Variants in RBM6 observed in about 807,000 individuals in gnomAD.
RBM6 encodes RNA-binding protein 6.
RBM6 carries 23 observed loss-of-function variants against 140.4 expected under a neutral mutation model. The ratio of observed to expected loss-of-function variants is 0.16; its 90% CI spans 0.12 to 0.23. The LOEUF is 0.23. RBM6 is among the 10% of genes least tolerant of loss of function. The pLI is 1.00. For missense variants in RBM6, 1,139 were observed against 1,386.7 expected (o/e 0.82, Z 2.84); for synonymous variants, 439 against 475.6 (o/e 0.92, Z 1.00).
chr3:50,059,229 A>G (rs186255672), intron 10 of RBM6: 1 of 153,252 alleles, frequency 6.5e-6, no homozygotes, highest in East Asian at 1.9e-4. Context: ...TTTTTCCTCA[A>G]AGTATTTATA....
intron 6 of RBM6, among the ~76,000 whole-genome samples, chr3:50,019,589 A>C (rs1414759367): frequency 1.3e-5 from 2 of 152,072 alleles, no homozygotes; most frequent in Admixed American, 1.3e-4. Flanking sequence ...TCTTGGGCCC[A>C]GGTGATCCTC....
intron 6 of RBM6, chr3:50,047,415 TG>T (rs2089274305): frequency 2.6e-6 from 2 of 780,248 alleles, no homozygotes; most frequent in African/African-American, 3.8e-5. Context: ...TGCTGCCTAG[TG>T]TTTATTAAAC....
chr3:50,013,770 G>A (rs1260111895), intron 6 of RBM6, among the ~76,000 whole-genome samples: 4 of 152,212 alleles, frequency 2.6e-5, no homozygotes, highest in Non-Finnish European at 5.9e-5. Context: ...AGCAACCATG[G>A]CAAAGGGGAA....
intron 1 of RBM6, among the ~76,000 whole-genome samples, chr3:49,956,273 A>T (rs1559521358): frequency 6.8e-6 from 1 of 147,436 alleles, no homozygotes; most frequent in Non-Finnish European, 1.5e-5. Flanking sequence ...TACCTGCCTT[A>T]GCCTTCCAAA....
intron 6 of RBM6, among the ~76,000 whole-genome samples, chr3:50,009,876 T>C (rs2086761284): frequency 6.6e-6 from 1 of 151,976 alleles, no homozygotes; most frequent in South Asian, 2.1e-4. Context: ...ATAATTATTA[T>C]TTATTTTTAT....
chr3:49,975,232 A>T, intron 4 of RBM6, 91 bp from the exon 5 acceptor site: 3 of 1,135,426 alleles, frequency 2.6e-6, no homozygotes, highest in South Asian at 2.5e-5. Context: ...CATGGCTTTA[A>T]ATTATGTATG....
chr3:49,977,952 T>C (rs1348909128), intron 5 of RBM6, among the ~76,000 whole-genome samples: 1 of 151,952 alleles, frequency 6.6e-6, no homozygotes, highest in Non-Finnish European at 1.5e-5. Flanking sequence ...CCTTGTCTCT[T>C]AAAAAGAAAA....
chr3:49,961,046 A>G lies in RBM6; in HGVS notation c.-66-1530A>G, dbSNP rs376664909. Among the ~76,000 whole-genome samples, 18 of 150,968 alleles carry G rather than the reference A, an allele frequency of 1.2e-4. No individual in the cohort carries two copies. The East Asian group carries it at 2.3e-3, about 20-fold the overall frequency. On this transcript the variant is annotated intron_variant, in intron 1 of 20. Coordinates refer to ENST00000266022, the MANE Select transcript of RBM6 (RefSeq NM_005777.3). ...CCCACTTCAGCCTTCCAAGAAGCTG[A>G]GACTACACATAGTCATCATGCCTGA...
At chr3:50,067,180 C>CT (rs1232031503) in intron 17 of RBM6, among the ~76,000 whole-genome samples, 1 of 112,332 alleles carries the variant, frequency 8.9e-6, no homozygotes, top group Non-Finnish European at 1.7e-5. Context: ...GACCAAGACT[C>CT]TATCTCAAAA....
At position 50,072,895 on chromosome 3, in the gene RBM6, ACCACATTCTCCT is replaced by A. The variant is rs916162507; in HGVS notation, c.3117-2305_3117-2294del. ...CTTCTTTATTCTCAGCACCCTTTATACCACATTCTCCTGGCTCTTCTCCTTTCCAGTCACCTT... is the reference window on the plus strand; with the variant it reads ...CTTCTTTATTCTCAGCACCCTTTATAGGCTCTTCTCCTTTCCAGTCACCTT... On this transcript the variant is annotated intron_variant, in intron 19 of 20. Coordinates refer to ENST00000266022, the MANE Select transcript of RBM6 (RefSeq NM_005777.3). Among the ~76,000 whole-genome samples the A allele has an allele frequency of 2.0e-5, 3 of 152,160 alleles. No individual in the cohort carries two copies. In the South Asian group the frequency reaches 6.2e-4, roughly 31 times the overall value.
intron 19 of RBM6, among the ~76,000 whole-genome samples, chr3:50,072,209 AC>A (rs2090325768): frequency 1.3e-5 from 2 of 151,144 alleles, no homozygotes; most frequent in African/African-American, 4.9e-5. Context: ...GGAGTTCGAG[AC>A]CAGCCTGGCC....
At chr3:50,022,598 G>A (rs1055394192) in intron 6 of RBM6, among the ~76,000 whole-genome samples, 1 of 152,050 alleles carries the variant, frequency 6.6e-6, no homozygotes, top group Non-Finnish European at 1.5e-5. Context: ...CCAAAGTGCT[G>A]GGATTACAGG....
intron 7 of RBM6, among the ~76,000 whole-genome samples, chr3:50,051,673 A>G (rs916463856): frequency 3.3e-5 from 5 of 152,220 alleles, no homozygotes; most frequent in African/African-American, 9.6e-5. Context: ...TAAGTTTATT[A>G]TGTACCTATT....
Position 49,952,127 on chromosome 3 carries a change from C to T in RBM6, c.-66-10449C>T, listed in dbSNP as rs143755546. Among the ~76,000 whole-genome samples, 1,090 of 152,072 alleles carry T rather than the reference C, an allele frequency of 7.2e-3. 15 individuals are homozygous for T. Among genetic ancestry groups the T allele is most frequent in the African/African-American group, 0.025 (1,039 of 41,486 alleles). ...TTGGCTTAGTACAACCTCTGCCTCC[C>T]GAGTTCAAGTGATTCTCCTGCCTCA... On this transcript the variant is annotated intron_variant, in intron 1 of 20. Transcript: ENST00000266022.
intron 4 of RBM6, among the ~76,000 whole-genome samples, chr3:49,974,435 G>A (rs1354518751): frequency 4.7e-5 from 7 of 149,416 alleles, no homozygotes; most frequent in African/African-American, 2.5e-5. Flanking sequence ...GCAGTGGTGC[G>A]ATCTTGGCTC....
At chr3:50,043,907 G>T in intron 6 of RBM6, among the ~76,000 whole-genome samples, 1 of 136,282 alleles carries the variant, frequency 7.3e-6, no homozygotes, top group Non-Finnish European at 1.6e-5. Flanking sequence ...TTAAAGAGAC[G>T]GAGTCTCACT....
At chr3:50,067,858 G>A (rs1166891564) in intron 17 of RBM6, among the ~76,000 whole-genome samples, 1 of 152,200 alleles carries the variant, frequency 6.6e-6, no homozygotes, top group African/African-American at 2.4e-5. Context: ...AAGCTGAGAA[G>A]TTCTGCTTTT....
chr3:49,982,998 C>T (rs2085382793), intron 5 of RBM6, among the ~76,000 whole-genome samples: 2 of 152,060 alleles, frequency 1.3e-5, no homozygotes, highest in South Asian at 4.1e-4. Context: ...AGGCATGAAC[C>T]ACCACGCCTG....
intron 6 of RBM6, among the ~76,000 whole-genome samples, chr3:50,025,606 T>TTTTTTTTTTTG (rs1559601257): frequency 1.6e-4 from 23 of 140,330 alleles, no homozygotes; most frequent in African/African-American, 2.6e-4. Flanking sequence ...TTTTTTTTTT[T>TTTTTTTTTTTG]AAGAGACAGG....
Sources: allele counts gnomAD v4.1 joint callset (sites outside exome capture counted in the v4.1 genomes callset), GRCh38; gene constraint gnomAD v4.1.1; transcripts MANE v1.5; gene names NCBI Gene and HGNC (gene_info 2026-07-23, HGNC 2026-07-21).